The following DGKB variants were observed in gnomAD, a reference collection of about 807,000 sequenced individuals.
DGKB encodes the protein 90 kDa diacylglycerol kinase.
Under a neutral mutation model 114.3 loss-of-function variants are expected in DGKB, and 67 were observed. The ratio of observed to expected loss-of-function variants is 0.59; its 90% confidence interval spans 0.48 to 0.72. The LOEUF (loss-of-function observed/expected upper bound fraction) is 0.72. Ranked by LOEUF, DGKB falls within the 30% of genes least tolerant of loss-of-function variation. The pLI, the probability that DGKB is intolerant of heterozygous loss-of-function variation, is 0.00. For synonymous variants in DGKB, 398 were observed against 323.1 expected, an observed-to-expected ratio of 1.23 and a Z score of -2.49; for missense variants, 907 against 975.2, an observed-to-expected ratio of 0.93 and a Z score of 0.93.
intron 23 of DGKB, among the ~76,000 whole-genome samples, chr7:14,257,242 C>T (rs769236968): frequency 1.3e-5 from 2 of 151,850 alleles, no homozygotes; most frequent in Non-Finnish European, 2.9e-5. Context: ...ATTAGAATAA[C>T]TCATATTAGT....
intron 23 of DGKB, among the ~76,000 whole-genome samples, chr7:14,248,645 T>G (rs1284308562): frequency 1.3e-5 from 2 of 152,082 alleles, no homozygotes; most frequent in Admixed American, 6.6e-5. Flanking sequence ...TCTTTTTCTG[T>G]AGTTCCTTTT....
In DGKB at chr7:14,317,443, G is replaced by C. The variant is rs1376170028; in HGVS notation, c.2122+21072C>G. Among the ~76,000 whole-genome samples the C allele has an allele frequency of 2.4e-3, 356 of 147,022 alleles. 2 individuals carry two copies. Among genetic ancestry groups the C allele is most frequent in the African/African-American group, 8.3e-3 (320 of 38,568 alleles). The stretch of plus-strand genomic sequence containing the variant: ...ATAAGCAACTTCAGCAAAGTCTCAG[G>C]ATACAAAATCAATGTGCAAAAATCA... On this transcript the variant is annotated intron_variant, in intron 23 of 25. Transcript: ENST00000402815.
rs1781633150 is a variant in DGKB, at chr7:14,147,762, C to T, written c.*1369G>A. ...AATATGAATGAACAATATTACAAGA[C>T]TGCTCAGAAGCATTTCATTTTACAT... On this transcript the variant is annotated 3_prime_UTR_variant, in exon 26 of 26. Transcript: ENST00000402815. The T allele has an allele frequency of 6.6e-6, 1 of 152,538 alleles. No homozygotes were observed. The highest frequency in any genetic ancestry group is 2.1e-4 in the South Asian group (1 of 4,832). The allele number at this position is 152,538 out of a possible 1,614,324, so 9.4% of individuals were successfully genotyped here.
chr7:14,709,877 T>G, intron 6 of DGKB, among the ~76,000 whole-genome samples: 1 of 146,238 alleles, frequency 6.8e-6, no homozygotes, highest in African/African-American at 2.5e-5. Flanking sequence ...GATGAGGAGT[T>G]AGTGGGTGCA....
At chr7:14,684,360 A>C (rs1459907770) in intron 10 of DGKB, among the ~76,000 whole-genome samples, 1 of 152,154 alleles carries the variant, frequency 6.6e-6, no homozygotes, top group Non-Finnish European at 1.5e-5. Context: ...CAACAATGGA[A>C]TGTATCTAAT....
At chr7:14,652,479 C>A (rs1264689590) in intron 13 of DGKB, among the ~76,000 whole-genome samples, 1 of 152,002 alleles carries the variant, frequency 6.6e-6, no homozygotes, top group South Asian at 2.1e-4. Flanking sequence ...CCCTTCCTTA[C>A]ACCTTATTCA....
chr7:14,418,392 T>TATATATATATATAC lies in DGKB; in HGVS notation c.1835+59768_1835+59769insGTATATATATATAT, dbSNP rs1554421158. ...GTGTGTATATATATATATATATATATACACACACACATATATTCATGTGAG... is the reference window on the plus strand; with the variant it reads ...GTGTGTATATATATATATATATATATATATATATATATACACACACACACATATATTCATGTGAG... On this transcript the variant is annotated intron_variant, in intron 21 of 25. Coordinates refer to ENST00000402815, the MANE Select transcript of DGKB (RefSeq NM_001350709.2). 4.1e-4 allele frequency among the ~76,000 whole-genome samples: 56 copies of TATATATATATATAC among 137,072 alleles called. 1 individual carries two copies. The highest frequency in any genetic ancestry group is 1.5e-3 in the African/African-American group (54 of 35,898). The allele number at this position is 137,072 out of a possible 152,430, so 89.9% of individuals were successfully genotyped here.
At chr7:14,267,682 G>C (rs1229220377) in intron 23 of DGKB, among the ~76,000 whole-genome samples, 1 of 151,770 alleles carries the variant, frequency 6.6e-6, no homozygotes, top group Non-Finnish European at 1.5e-5. Flanking sequence ...GCAGAGACGG[G>C]GTTTTACCGT....
At chr7:14,227,230 T>A (rs1178274255) in intron 23 of DGKB, among the ~76,000 whole-genome samples, 3 of 152,030 alleles carry the variant, frequency 2.0e-5, no homozygotes, top group Admixed American at 2.0e-4. Flanking sequence ...GTTCAAAAAA[T>A]TTCACTTTGG....
At chr7:14,745,109 C>A (rs2128419744) in intron 4 of DGKB, among the ~76,000 whole-genome samples, 1 of 152,230 alleles carries the variant, frequency 6.6e-6, no homozygotes, top group Admixed American at 6.5e-5. Context: ...TTATAGCCAC[C>A]AGTTATCTGG....
At chr7:14,736,524 C>G (rs974390497) in intron 4 of DGKB, among the ~76,000 whole-genome samples, 2 of 152,134 alleles carry the variant, frequency 1.3e-5, no homozygotes, top group Non-Finnish European at 2.9e-5. Flanking sequence ...AATAATCCCA[C>G]CCCACATAGT....
rs1819226574 is a variant in DGKB at position 14,672,977 on chromosome 7, AG to A, written c.1085del (p.Pro362LeufsTer2). ...SHLKPECDCGPLKDHILPPTT... is the reference protein window; with the variant it reads ...SHLKPECDCGXLKDHILPPTT... ...TGGGTGGTAAAATATGGTCCTTCAA[AG>A]GTCCACAGTCACATTCAGGTTTTAG... On this transcript the variant is annotated frameshift_variant, in exon 13 of 26. Transcript: ENST00000402815. LOFTEE classifies it high-confidence loss of function. The A allele has an allele frequency of 6.3e-7, 1 of 1,579,676 alleles. No homozygotes were observed. The highest frequency in any genetic ancestry group is 1.3e-5 in the African/African-American group (1 of 74,364).
chr7:14,227,331 T>C (rs1790962366), intron 23 of DGKB, among the ~76,000 whole-genome samples: 1 of 152,112 alleles, frequency 6.6e-6, no homozygotes, highest in African/African-American at 2.4e-5. Flanking sequence ...AATCTTTTCC[T>C]ACATTCTTAC....
intron 21 of DGKB, among the ~76,000 whole-genome samples, chr7:14,387,097 A>ATTAT (rs140868127): frequency 0.24 from 34,836 of 147,072 alleles, 5,011 homozygotes; most frequent in Non-Finnish European, 0.34. Context: ...GTTTCTTTTG[A>ATTAT]TTATTTATTT....
intron 20 of DGKB, among the ~76,000 whole-genome samples, chr7:14,555,278 TG>T (rs1449931415): frequency 1.3e-5 from 2 of 152,238 alleles, no homozygotes; most frequent in Non-Finnish European, 2.9e-5. Flanking sequence ...CTCTGCACTT[TG>T]TTTTTGTCTA....
intron 23 of DGKB, among the ~76,000 whole-genome samples, chr7:14,222,819 T>C (rs189395441): frequency 6.1e-4 from 93 of 151,640 alleles, no homozygotes; most frequent in Non-Finnish European, 1.2e-3. Flanking sequence ...TTTTGCTTTA[T>C]TTTGATTTTC....
chr7:14,698,550 C>G lies in DGKB; in HGVS notation c.517-381G>C, dbSNP rs371400801. On this transcript the variant is annotated intron_variant, in intron 7 of 25. Coordinates refer to ENST00000402815, the MANE Select transcript of DGKB (RefSeq NM_001350709.2). ...AATAGATGTGAAAGGGTGGACAAAT[C>G]ATTTGAGGACAACTGAGAAGTCTAT... Among the ~76,000 whole-genome samples the G allele has an allele frequency of 3.0e-4, 45 of 152,198 alleles. 1 individual carries two copies. The highest frequency in any genetic ancestry group is 2.1e-3 in the East Asian group (11 of 5,182).
At chr7:14,412,699 A>G (rs933239940) in intron 21 of DGKB, among the ~76,000 whole-genome samples, 9 of 152,116 alleles carry the variant, frequency 5.9e-5, no homozygotes, top group Non-Finnish European at 2.9e-5. Flanking sequence ...TCAGCGAGGA[A>G]GGCCAGGCAC....
chr7:14,364,458 AAAG>A lies in DGKB; in HGVS notation c.1836-19070_1836-19068del, dbSNP rs558620437. Among the ~76,000 whole-genome samples the A allele has an allele frequency of 4.6e-5, 7 of 152,128 alleles. No homozygotes were observed. In the South Asian group the frequency reaches 1.4e-3, roughly 31 times the overall value. ...AGGAAGGAACGAAGGAAGGGAGGGA[AAAG>A]AAGAGAAAATCTGTATTCTTTTTGT... is the stretch of plus-strand genomic sequence containing the variant. On this transcript the variant is annotated intron_variant, in intron 21 of 25. Transcript: ENST00000402815.
Sources: allele counts gnomAD v4.1 joint callset (sites outside exome capture counted in the v4.1 genomes callset), GRCh38; gene constraint gnomAD v4.1.1; transcripts MANE v1.5; gene names NCBI Gene and HGNC (gene_info 2026-07-23, HGNC 2026-07-21).